TMEFF2: variants seen among roughly 807,000 people sequenced by gnomAD.
TMEFF2 encodes the protein tomoregulin-2.
TMEFF2 carries 28 observed loss-of-function variants against 53.8 expected under a neutral mutation model. The observed-to-expected ratio is 0.52, with a 90% CI of 0.39 to 0.71. The LOEUF (loss-of-function observed/expected upper bound fraction) is 0.71, where lower values mean the gene tolerates loss of function less well. Among genes scored for constraint, TMEFF2 ranks in the 30% least tolerant of loss-of-function variants. The pLI is 0.00. For synonymous variants in TMEFF2, 162 were observed against 166.3 expected, an observed-to-expected ratio of 0.97 and a Z score of 0.20; for missense variants, 353 against 455.2, an observed-to-expected ratio of 0.78 and a Z score of 2.04.
At chr2:192,015,080 T>C (rs1156256290) in intron 5 of TMEFF2, among the ~76,000 whole-genome samples, 2 of 152,200 alleles carry the variant, frequency 1.3e-5, no homozygotes, top group African/African-American at 2.4e-5. Context: ...AGCAATGTTC[T>C]TCTGCCTTTC....
chr2:192,194,595 G>A lies in TMEFF2; in HGVS notation c.-71C>T. The A allele has an allele frequency of 1.3e-6, 2 of 1,553,298 alleles. No individual in the cohort carries two copies. The highest frequency in any genetic ancestry group is 2.4e-4 in the Middle Eastern group (1 of 4,250). ...ACAGGATCGCGGGGGCCGGGCAGCG[G>A]GCTACTGAGCATCCCGCGGACGGCG... On this transcript the variant is annotated 5_prime_UTR_variant, in exon 1 of 10. Transcript: ENST00000272771. The surrounding 1 kb of genome is among the most constrained non-coding windows in gnomAD (Gnocchi z 4.2).
chr2:192,066,169 G>T (rs772487625), intron 4 of TMEFF2, among the ~76,000 whole-genome samples: 2 of 151,258 alleles, frequency 1.3e-5, no homozygotes, highest in Non-Finnish European at 3.0e-5. Context: ...CTGTTACATC[G>T]TATTATTAAA....
intron 7 of TMEFF2, among the ~76,000 whole-genome samples, chr2:191,964,380 T>TTCTCTC (rs1280948044): frequency 2.5e-5 from 1 of 39,874 alleles, no homozygotes; most frequent in Non-Finnish European, 5.4e-5. Flanking sequence ...TTCTCTTTCT[T>TTCTCTC]TCTTTCTTTC....
chr2:192,106,169 G>C (rs1441940943), intron 4 of TMEFF2, among the ~76,000 whole-genome samples: 1 of 151,570 alleles, frequency 6.6e-6, no homozygotes, highest in Non-Finnish European at 1.5e-5. Flanking sequence ...GATAAGAAAG[G>C]AATGCTAGGC....
chr2:191,983,540 T>C (rs1382967903), intron 7 of TMEFF2, among the ~76,000 whole-genome samples: 1 of 152,094 alleles, frequency 6.6e-6, no homozygotes, highest in Non-Finnish European at 1.5e-5. Flanking sequence ...AGTGGTAAAA[T>C]ATGCAAGTGC....
At position 192,140,729 on chromosome 2, in the gene TMEFF2, G is replaced by A. The variant is rs1441618216; in HGVS notation, c.439+38939C>T. Among the ~76,000 whole-genome samples the A allele has an allele frequency of 2.0e-5, 3 of 152,188 alleles. No individual in the cohort carries two copies. In the East Asian group the frequency reaches 5.8e-4, roughly 29 times the overall value. On this transcript the variant is annotated intron_variant, in intron 4 of 9. Transcript: ENST00000272771. Reference sequence around the variant, plus strand: ...CAATTCCACAGGCAGAGGTAAGAGTGAAGTGGAAAGAATATTTCAGCTCAA... The same window carrying A: ...CAATTCCACAGGCAGAGGTAAGAGTAAAGTGGAAAGAATATTTCAGCTCAA...
chr2:192,081,072 T>A (rs1217194824), intron 4 of TMEFF2, among the ~76,000 whole-genome samples: 1 of 152,170 alleles, frequency 6.6e-6, no homozygotes, highest in African/African-American at 2.4e-5. Context: ...TCAATGAAAG[T>A]AAGAACATCT....
intron 7 of TMEFF2, among the ~76,000 whole-genome samples, chr2:191,976,074 G>T (rs1685718250): frequency 6.6e-6 from 1 of 152,172 alleles, no homozygotes; most frequent in African/African-American, 2.4e-5. Flanking sequence ...AAGTCAAATA[G>T]TTTGGTAATT....
chr2:192,063,066 T>G (rs1325946740), intron 4 of TMEFF2, among the ~76,000 whole-genome samples: 1 of 151,918 alleles, frequency 6.6e-6, no homozygotes, highest in Non-Finnish European at 1.5e-5. Context: ...TTCTGTTCTT[T>G]TTATTATATC....
chr2:192,030,148 A>G (rs1039813958), intron 5 of TMEFF2, among the ~76,000 whole-genome samples: 4 of 152,228 alleles, frequency 2.6e-5, no homozygotes, highest in African/African-American at 9.6e-5. Flanking sequence ...GAAGGCTTGC[A>G]TATCATAGTC....
intron 7 of TMEFF2, among the ~76,000 whole-genome samples, chr2:191,967,693 C>T (rs531589773): frequency 1.3e-5 from 2 of 152,172 alleles, no homozygotes; most frequent in African/African-American, 2.4e-5. Flanking sequence ...TTCCTGCACC[C>T]TGGATCCCCC....
At chr2:192,129,049 C>G (rs930479408) in intron 4 of TMEFF2, among the ~76,000 whole-genome samples, 3 of 152,268 alleles carry the variant, frequency 2.0e-5, no homozygotes, top group African/African-American at 7.2e-5. Flanking sequence ...GAGTGTTGAG[C>G]ACCCAGCAAT....
intron 7 of TMEFF2, among the ~76,000 whole-genome samples, chr2:191,990,161 A>G (rs1686069019): frequency 6.6e-6 from 1 of 152,170 alleles, no homozygotes; most frequent in East Asian, 1.9e-4. Flanking sequence ...TCAAAAGTAA[A>G]AGTGTGTTTT....
Position 192,057,704 on chromosome 2 carries a change from A to G in TMEFF2, c.511T>C (p.Cys171Arg). Reference protein sequence around the residue: ...TCDICQFGAECDEDAEDVWCV... With the variant: ...TCDICQFGAERDEDAEDVWCV... ...CAGACATCCTCGGCATCTTCGTCAC[A>G]TTCTGCACCAAACTGGCAAATATCA... Residue 171 changes from cysteine (C) to arginine (R), a missense_variant, in exon 5 of 10, where the codon TGT (cysteine) becomes CGT (arginine). Cys to Arg is a radical substitution (Grantham distance 180). Around this residue, in one of 3 missense-constraint regions of TMEFF2, gnomAD observed 294 missense variants for 397.3 expected, o/e 0.74. Transcript: ENST00000272771. The G allele has an allele frequency of 6.2e-7, 1 of 1,614,082 alleles. No individual in the cohort carries two copies.
intron 6 of TMEFF2, among the ~76,000 whole-genome samples, chr2:191,998,697 TGAA>T (rs1454218182): frequency 6.6e-6 from 1 of 152,008 alleles, no homozygotes; most frequent in Non-Finnish European, 1.5e-5. Flanking sequence ...TACATAAAAA[TGAA>T]GTGATTTGCT....
intron 7 of TMEFF2, among the ~76,000 whole-genome samples, chr2:191,987,685 T>G (rs1458603465): frequency 1.3e-5 from 2 of 152,124 alleles, no homozygotes; most frequent in East Asian, 3.9e-4. Flanking sequence ...GTAACTAAAT[T>G]TAGATGAATT....
chr2:192,185,845 G>T (rs756537408), intron 2 of TMEFF2, among the ~76,000 whole-genome samples: 13 of 151,848 alleles, frequency 8.6e-5, no homozygotes, highest in Non-Finnish European at 1.9e-4. Context: ...TGAAATGAAA[G>T]CCTAATTCTA....
intron 3 of TMEFF2, among the ~76,000 whole-genome samples, chr2:192,180,377 A>G (rs986398122): frequency 6.6e-6 from 1 of 151,450 alleles, no homozygotes; most frequent in African/African-American, 2.4e-5. Context: ...TTTAATTACA[A>G]TTGGTCAAAG....
intron 7 of TMEFF2, among the ~76,000 whole-genome samples, chr2:191,996,977 GTAAAATAAATAAA>G (rs2105833118): frequency 6.6e-6 from 1 of 151,758 alleles, no homozygotes; most frequent in East Asian, 1.9e-4. Context: ...ACAACAAAAA[GTAAAATAAATAAA>G]TAAAAGATGT....
Sources: gnomAD v4.1 joint callset for allele counts (sites outside exome capture counted in the v4.1 genomes callset) on GRCh38, gnomAD v4.1.1 for gene constraint, gnomAD v4.1.1 regional missense constraint, Gnocchi (gnomAD v3.1) non-coding constraint, MANE v1.5 for transcripts, NCBI Gene and HGNC (gene_info 2026-07-23, HGNC 2026-07-21) for gene names.